FUNDC1: variants seen among roughly 807,000 people sequenced by gnomAD.
The protein encoded by FUNDC1 is FUN14 domain-containing protein 1.
FUNDC1 carries 10 observed loss-of-function variants against 14.5 expected under a neutral mutation model. The observed-to-expected ratio is 0.69, with a 90% CI of 0.43 to 1.17. FUNDC1 has a LOEUF of 1.17. Among genes scored for constraint, FUNDC1 ranks in the 50% most tolerant of loss-of-function variants. FUNDC1 has a pLI of 0.00. For synonymous variants in FUNDC1, 33 were observed against 39.7 expected, an observed-to-expected ratio of 0.83 and a Z score of 0.64; for missense variants, 115 against 113.8, an observed-to-expected ratio of 1.01 and a Z score of -0.05.
chrX:44,532,394 A>AG (rs1228359988), intron 3 of FUNDC1, among the ~76,000 whole-genome samples: 1 of 93,870 alleles, frequency 1.1e-5, no homozygotes, highest in Non-Finnish European at 2.0e-5. Flanking sequence ...ACTCTGTCTC[A>AG]GAAAAAAAAA....
At chrX:44,529,387 T>C (rs2038914098) in intron 3 of FUNDC1, among the ~76,000 whole-genome samples, 1 of 111,286 alleles carries the variant, frequency 9.0e-6, no homozygotes, top group African/African-American at 3.3e-5. Flanking sequence ...TGTCAAACAG[T>C]TGCAAGGAAA....
chrX:44,524,926 T>C (rs2038895034), intron 4 of FUNDC1, among the ~76,000 whole-genome samples: 1 of 111,448 alleles, frequency 9.0e-6, no homozygotes, highest in South Asian at 3.7e-4. Context: ...GATTATTTAA[T>C]AAATTGTCAC....
At chrX:44,542,423 A>G in intron 1 of FUNDC1, 1 of 372,275 alleles carries the variant, frequency 2.7e-6, no homozygotes, top group Non-Finnish European at 4.6e-6. Flanking sequence ...AGGTCAGAGC[A>G]GGGTCCATTT....
Position 44,542,818 on chromosome X carries a change from G to T in FUNDC1, c.15C>A (p.Asn5Lys). The T allele has an allele frequency of 2.6e-6, 3 of 1,169,289 alleles. No individual in the cohort carries two copies. Among genetic ancestry groups the T allele is most frequent in the Non-Finnish European group, 3.4e-6 (3 of 873,501 alleles). The change falls in exon 1 of 5, where the codon AAC (asparagine) becomes AAA (lysine). Residue 5 changes from asparagine (N) to lysine (K), a missense_variant. Physicochemically the swap from Asn to Lys is moderately conservative, Grantham distance 94 (BLOSUM62 0). Coordinates refer to ENST00000378045, the MANE Select transcript of FUNDC1 (RefSeq NM_173794.4). ...CTGGCCGCTCACCTTGGGGAGGGGG[G>T]TTCCGGGTCGCCATGATACCGCCAG... MATRNPPPQDYESDD... is the reference protein window; with the variant it reads MATRKPPPQDYESDD...
chrX:44,532,961 C>T, intron 3 of FUNDC1, among the ~76,000 whole-genome samples: 1 of 112,015 alleles, frequency 8.9e-6, no homozygotes, highest in Non-Finnish European at 1.9e-5. Flanking sequence ...GCTAGATGAA[C>T]ATTCTGTGTA....
intron 3 of FUNDC1, among the ~76,000 whole-genome samples, chrX:44,527,741 A>T (rs1312269536): frequency 8.9e-6 from 1 of 112,245 alleles, no homozygotes; most frequent in Non-Finnish European, 1.9e-5. Context: ...GGAATTAGTT[A>T]AAAAGATACA....
At chrX:44,526,496 G>A (rs1046201313) in intron 4 of FUNDC1, among the ~76,000 whole-genome samples, 2 of 106,653 alleles carry the variant, frequency 1.9e-5, no homozygotes, top group Non-Finnish European at 3.9e-5. Flanking sequence ...AAGGGGGGGG[G>A]GCGTATTCAT....
chrX:44,525,533 T>C (rs1346548004), intron 4 of FUNDC1, among the ~76,000 whole-genome samples: 4 of 110,187 alleles, frequency 3.6e-5, no homozygotes, highest in African/African-American at 1.3e-4. Context: ...AGATATTTTG[T>C]AGAAAAATAT....
rs1389067534 is a variant in FUNDC1, at chrX:44,523,808, C to A, written c.*390G>T. 1.7e-5 allele frequency: 2 copies of A among 117,450 alleles called. No homozygotes were observed. The highest frequency in any genetic ancestry group is 6.5e-5 in the African/African-American group (2 of 30,687). 9.7% of individuals were successfully genotyped at this position (117,450 alleles called of 1,213,427 possible). On this transcript the variant is annotated 3_prime_UTR_variant, in exon 5 of 5. Coordinates refer to ENST00000378045, the MANE Select transcript of FUNDC1 (RefSeq NM_173794.4). Reference sequence around the variant, plus strand: ...ATGAATTTTAAATTATGGACACATACCATAAAACACAATGAAGAACATTTT... The same window carrying A: ...ATGAATTTTAAATTATGGACACATAACATAAAACACAATGAAGAACATTTT...
Position 44,542,785 on chromosome X carries a change from T to C in FUNDC1, c.28+20A>G, listed in dbSNP as rs1403499650. The C allele has an allele frequency of 4.3e-6, 5 of 1,162,708 alleles. No individual in the cohort carries two copies. In the African/African-American group the frequency reaches 5.4e-5, roughly 13 times the overall value. ...CTGTGAGCCGCGTCCCAGATACCAC[T>C]TCGGGCCCTGGCCGCTCACCTTGGG... On this transcript the variant is annotated intron_variant, in intron 1 of 4. Transcript: ENST00000378045.
chrX:44,540,943 G>C (rs1014342451), intron 2 of FUNDC1, among the ~76,000 whole-genome samples: 1 of 110,640 alleles, frequency 9.0e-6, no homozygotes, highest in Non-Finnish European at 1.9e-5. Flanking sequence ...AATAAATGCC[G>C]CACCTCTGCA....
At position 44,527,277 on chromosome X, in the gene FUNDC1, G is replaced by T; in HGVS notation, c.350C>A (p.Ala117Glu). The change falls in exon 4 of 5, where the codon GCG becomes GAG. Residue 117 changes from alanine to glutamate, a missense_variant. Physicochemically the swap from Ala to Glu is moderately radical, Grantham distance 107. Coordinates refer to ENST00000378045, the MANE Select transcript of FUNDC1 (RefSeq NM_173794.4). ...GTTGATTTCAGGTGCTGCTTTGTTC[G>T]CTCGTTTCTTAATCTGTCTTTTTGC... ...NKAKRQIKKR[A>E]NKAAPEINNL... 1 of 1,190,736 alleles carries T rather than the reference G, an allele frequency of 8.4e-7. No individual in the cohort carries two copies. Among genetic ancestry groups the T allele is most frequent in the South Asian group, 1.9e-5 (1 of 53,815 alleles).
At chrX:44,534,548 A>G (rs1045107090) in intron 3 of FUNDC1, among the ~76,000 whole-genome samples, 1 of 109,546 alleles carries the variant, frequency 9.1e-6, no homozygotes, top group African/African-American at 3.3e-5. Flanking sequence ...AAGGCACATC[A>G]CTGGGAAAAA....
chrX:44,529,380 C>T (rs2038914057), intron 3 of FUNDC1, among the ~76,000 whole-genome samples: 1 of 111,170 alleles, frequency 9.0e-6, no homozygotes, highest in African/African-American at 3.3e-5. Flanking sequence ...GGGAAAATGT[C>T]AAACAGTTGC....
chrX:44,542,063 A>G lies in FUNDC1; in HGVS notation c.67T>C (p.Leu23=). Residue 23 remains leucine, a synonymous_variant, in exon 2 of 5, where the codon TTA becomes CTA. Transcript: ENST00000378045. The part of the protein sequence containing the change: ...SDDDSYEVLD[L]TEYARRHQWW... ...TGGTGTCTTCTTGCATACTCAGTTAAATCCAACACTTCATAAGAGTCGTCA... is the reference window on the plus strand; with the variant it reads ...TGGTGTCTTCTTGCATACTCAGTTAGATCCAACACTTCATAAGAGTCGTCA... The G allele has an allele frequency of 8.3e-7, 1 of 1,205,601 alleles. No individual in the cohort carries two copies. The highest frequency in any genetic ancestry group is 1.8e-5 in the South Asian group (1 of 56,360).
intron 3 of FUNDC1, among the ~76,000 whole-genome samples, chrX:44,535,511 T>C (rs962988035): frequency 1.9e-5 from 2 of 104,253 alleles, no homozygotes; most frequent in Non-Finnish European, 3.9e-5. Flanking sequence ...ACCAAAAAAA[T>C]ACAAAAAAGT....
intron 1 of FUNDC1, 26 bp downstream of exon 1, chrX:44,542,779 T>C (rs1176625432): frequency 1.7e-6 from 2 of 1,158,276 alleles, no homozygotes; most frequent in Non-Finnish European, 1.2e-6. Context: ...GCGTCCCAGA[T>C]ACCACTTCGG....
chrX:44,533,627 C>CAAAA (rs1156843539), intron 3 of FUNDC1, among the ~76,000 whole-genome samples: 23 of 18,507 alleles, frequency 1.2e-3, no homozygotes, highest in African/African-American at 3.0e-3. Context: ...GACTCCGTCT[C>CAAAA]AAAAAAAAAA....
chrX:44,528,054 T>C (rs889756801), intron 3 of FUNDC1, among the ~76,000 whole-genome samples: 1 of 111,800 alleles, frequency 8.9e-6, no homozygotes, highest in Non-Finnish European at 1.9e-5. Context: ...GACTGCAATA[T>C]CTGAACAGGA....
Sources: gnomAD v4.1 joint callset for allele counts (sites outside exome capture counted in the v4.1 genomes callset) on GRCh38, gnomAD v4.1.1 for gene constraint, MANE v1.5 for transcripts, NCBI Gene and HGNC (gene_info 2026-07-23, HGNC 2026-07-21) for gene names.